Variants in TTN observed in about 807,000 individuals in gnomAD.
TTN encodes the protein connectin.
TTN carries 1,525 observed loss-of-function variants against 3,223.0 expected under a neutral mutation model. The ratio of observed to expected loss-of-function variants is 0.47; its 90% CI spans 0.45 to 0.49. The LOEUF is 0.49. TTN is among the 20% of genes least tolerant of loss of function. The pLI is 0.00. For synonymous variants in TTN, 14,094 were observed against 15,161.0 expected, an observed-to-expected ratio of 0.93 and a Z score of 5.17; for missense variants, 40,786 against 43,424.0, an observed-to-expected ratio of 0.94 and a Z score of 5.40.
chr2:178,777,991 A>T lies in TTN; in HGVS notation c.4209-16T>A. ...AGAGAGAGATCTGCAAAACAAAGAC[A>T]CACAATACTTTCGTGAGGCATAAAG... On this transcript the variant is annotated splice_polypyrimidine_tract_variant and intron_variant, in intron 24 of 362. Transcript: ENST00000589042. 1 of 1,612,448 alleles carries T rather than the reference A, an allele frequency of 6.2e-7. No individual in the cohort carries two copies. The highest frequency in any genetic ancestry group is 1.1e-5 in the South Asian group (1 of 90,906).
At position 178,728,541 on chromosome 2, in the gene TTN, T is replaced by G. The variant is rs1419616263; in HGVS notation, c.19385A>C (p.Asp6462Ala). Reference sequence around the variant, plus strand: ...GGCATCACAGCTACTGCTTCCGAAGTCATTTTCCACCTTGAAAGTGTACTG... The same window carrying G: ...GGCATCACAGCTACTGCTTCCGAAGGCATTTTCCACCTTGAAAGTGTACTG... Reference protein sequence around the residue: ...SGQYTFKVENDFGSSSCDAYL... With the variant: ...SGQYTFKVENAFGSSSCDAYL... Residue 6462 changes from aspartate (D) to alanine (A), a missense_variant, in exon 66 of 363, where the codon GAC becomes GCC. Asp to Ala is a moderately radical substitution (Grantham distance 126). Coordinates refer to ENST00000589042, the MANE Select transcript of TTN (RefSeq NM_001267550.2). 1.9e-6 allele frequency: 3 copies of G among 1,612,570 alleles called. No individual in the cohort carries two copies. Among genetic ancestry groups the G allele is most frequent in the South Asian group, 1.1e-5 (1 of 90,964 alleles).
chr2:178,797,795 T>TACAG (rs1311163269), intron 6 of TTN, among the ~76,000 whole-genome samples: 2 of 152,178 alleles, frequency 1.3e-5, no homozygotes, highest in Non-Finnish European at 2.9e-5. Context: ...CATACATACA[T>TACAG]GTTGATTTTT....
At position 178,616,483 on chromosome 2, in the gene TTN, G is replaced by C. The variant is rs1411572700; in HGVS notation, c.48308C>G (p.Thr16103Ser). Residue 16103 changes from threonine (T) to serine (S), a missense_variant, in exon 257 of 363, where the codon ACT becomes AGT. By Grantham distance (58) the Thr-to-Ser change is moderately conservative. Coordinates refer to ENST00000589042, the MANE Select transcript of TTN (RefSeq NM_001267550.2). ...GCAGTGCTGCTCAAAACTCACTTTA[G>C]TCCATGTTTTCCGGCTGACTTCTCG... ...EKREVSRKTW[T>S]KVMDFVTDLE... The C allele has an allele frequency of 6.2e-7, 1 of 1,611,966 alleles. No individual in the cohort carries two copies. The highest frequency in any genetic ancestry group is 8.5e-7 in the Non-Finnish European group (1 of 1,178,754).
Position 178,664,889 on chromosome 2 carries a change from T to C in TTN, c.36081A>G (p.Thr12027=). ...GGGGTTCTCTTTTTTTGGAAGGAAC[T>C]GTCTTGGCAGGAATAATTTCTTGAG... ...EAPQEIIPAK[T]VPSKKREPPS... The change falls in exon 166 of 363, where the codon ACA becomes ACG. Residue 12027 remains threonine (T), a synonymous_variant. Transcript: ENST00000589042. The C allele has an allele frequency of 1.9e-6, 3 of 1,611,144 alleles. No homozygotes were observed. Among genetic ancestry groups the C allele is most frequent in the Non-Finnish European group, 2.5e-6 (3 of 1,179,394 alleles).
At position 178,651,472 on chromosome 2, in the gene TTN, T is replaced by TG; in HGVS notation, c.39527dup (p.Glu13177ArgfsTer6). The TG allele has an allele frequency of 6.2e-7, 1 of 1,611,890 alleles. No homozygotes were observed. Among genetic ancestry groups the TG allele is most frequent in the Non-Finnish European group, 8.5e-7 (1 of 1,179,234 alleles). On this transcript the variant is annotated frameshift_variant, in exon 207 of 363. Transcript: ENST00000589042. LOFTEE classifies it high-confidence loss of function. ...ATATACCTTTAGCAGGTGGGGCTTC[T>TG]GGCTTTTTGGGAACCACCAGAGGCA...
rs200992636 is a variant in TTN, at chr2:178,563,073, G to A, written c.83059C>T (p.Leu27687=). The change falls in exon 326 of 363, where the codon CTG becomes TTG. Residue 27687 remains leucine (L), a synonymous_variant. Transcript: ENST00000589042. This position sits in a 1 kb window ranked among gnomAD's most constrained non-coding sequence, Gnocchi z 4.5. ...AAGCGTAAAGTAGCACTTGCACGCA[G>A]AACGACCACCTTTCTGAGATCAGCA... ...LDADLRKVVV[L]RASATLRLFV... The A allele has an allele frequency of 9.5e-5, 154 of 1,613,572 alleles. No homozygotes were observed. Among genetic ancestry groups the A allele is most frequent in the Non-Finnish European group, 1.9e-5 (23 of 1,179,730 alleles).
At position 178,582,147 on chromosome 2, in the gene TTN, G is replaced by T; in HGVS notation, c.66222C>A (p.Val22074=). 1 of 1,612,700 alleles carries T rather than the reference G, an allele frequency of 6.2e-7. No homozygotes were observed. The highest frequency in any genetic ancestry group is 8.5e-7 in the Non-Finnish European group (1 of 1,179,516). ...CATCATCTGCTGGTGGCTTCCAGCT[G>T]ACTGTCATGTGATCTTTGGTTATGT... The part of the protein sequence containing the change: ...ISNITKDHMT[V]SWKPPADDGG... The change falls in exon 315 of 363, where the codon GTC becomes GTA. Residue 22074 remains valine, a synonymous_variant. Transcript: ENST00000589042.
rs1704413634 is a variant in TTN, at chr2:178,563,432, G to A, written c.82700C>T (p.Ala27567Val). The change falls in exon 326 of 363, where the codon GCC becomes GTC. Residue 27567 changes from alanine to valine, a missense_variant. By Grantham distance (64) the Ala-to-Val change is moderately conservative. Coordinates refer to ENST00000589042, the MANE Select transcript of TTN (RefSeq NM_001267550.2). The surrounding 1 kb of genome is among the most constrained non-coding windows in gnomAD (Gnocchi z 4.5). The part of the protein sequence containing the change: ...EPSVFYRACD[A>V]LYPPGPPSNP... ...GCTTGGGGGACCTGGTGGATACAAG[G>A]CATCACACGCACGGTAGAAAACAGA... is the stretch of plus-strand genomic sequence containing the variant. 1 of 1,613,466 alleles carries A rather than the reference G, an allele frequency of 6.2e-7. No homozygotes were observed. The highest frequency in any genetic ancestry group is 8.5e-7 in the Non-Finnish European group (1 of 1,179,742).
intron 208 of TTN, 28 bp from the exon 209 acceptor site, chr2:178,650,862 A>G (rs1360159276): frequency 1.9e-6 from 3 of 1,568,726 alleles, no homozygotes; most frequent in South Asian, 1.2e-5. Flanking sequence ...CATTTTTCTT[A>G]TGAGTAGTTG....
At chr2:178,761,796 C>A (rs1403501995) in intron 43 of TTN, among the ~76,000 whole-genome samples, 1 of 152,140 alleles carries the variant, frequency 6.6e-6, no homozygotes, top group Non-Finnish European at 1.5e-5. Flanking sequence ...ATTAAAATTG[C>A]ACAGATGCTT....
rs1186226559 is a variant in TTN at position 178,552,563 on chromosome 2, C to T, written c.90337G>A (p.Asp30113Asn). Residue 30113 changes from aspartate (D) to asparagine (N), a missense_variant, in exon 335 of 363, where the codon GAT becomes AAT. Physicochemically the swap from Asp to Asn is conservative, Grantham distance 23. Transcript: ENST00000589042. ...VFAKNEKGLS[D>N]PVTIGPITVK... ...GTAATTGGCCCAATAGTGACAGGAT[C>T]ACTCAGTCCTTTCTCATTTTTGGCA... 4 of 1,613,680 alleles carry T rather than the reference C, an allele frequency of 2.5e-6. No homozygotes were observed. Among genetic ancestry groups the T allele is most frequent in the Non-Finnish European group, 3.4e-6 (4 of 1,179,804 alleles).
Position 178,740,199 on chromosome 2 carries a change from T to C in TTN, c.13034A>G (p.His4345Arg). ...TGGGGGCATCACCACGTTGTCAGAA[T>C]GCTCTTCTTTGAGCAGTACCTGCTT... Reference protein sequence around the residue: ...EEKQVLLKEEHSDNVVMPPDQ... With the variant: ...EEKQVLLKEERSDNVVMPPDQ... Residue 4345 changes from histidine to arginine, a missense_variant, in exon 48 of 363, where the codon CAT (histidine) becomes CGT (arginine). By Grantham distance (29) the His-to-Arg change is conservative. Transcript: ENST00000589042. 2 of 1,613,518 alleles carry C rather than the reference T, an allele frequency of 1.2e-6. No homozygotes were observed. The highest frequency in any genetic ancestry group is 1.7e-6 in the Non-Finnish European group (2 of 1,179,704).
rs1238856486 is a variant in TTN at position 178,641,275 on chromosome 2, T to C, written c.40599A>G (p.Glu13533=). 5.3e-6 allele frequency: 8 copies of C among 1,512,760 alleles called. No individual in the cohort carries two copies. Among genetic ancestry groups the C allele is most frequent in the Non-Finnish European group, 8.8e-7 (1 of 1,132,436 alleles). The allele number at this position is 1,512,760 out of a possible 1,614,324, so 93.7% of individuals were successfully genotyped here. ...KRPEEEEPKV[E]PKKLEKVKKP... is the part of the protein sequence containing the mutation. The stretch of plus-strand genomic sequence containing the variant: ...TTTTAACTTTTTCTAGTTTTTTAGG[T>C]TCTACTTTAGGTTCTTCTTCTTCAG... The change falls in exon 220 of 363, where the codon GAA becomes GAG. Residue 13533 remains glutamate (E), a synonymous_variant. Transcript: ENST00000589042.
chr2:178,528,988 A>C lies in TTN; in HGVS notation c.106763T>G (p.Ile35588Ser). The C allele has an allele frequency of 6.2e-7, 1 of 1,613,970 alleles. No homozygotes were observed. Among genetic ancestry groups the C allele is most frequent in the South Asian group, 1.1e-5 (1 of 91,084 alleles). ...TGTTTTAGTGATTTCCTCATGGACA[A>C]TGGATTTTTCCAGGGAGGTTGCTGC... ...KSAATSLEKSIVHEEITKTSQ... is the reference protein window; with the variant it reads ...KSAATSLEKSSVHEEITKTSQ... Residue 35588 changes from isoleucine (I) to serine (S), a missense_variant, in exon 360 of 363, where the codon ATT (isoleucine) becomes AGT (serine). By Grantham distance (142) the Ile-to-Ser change is moderately radical. Coordinates refer to ENST00000589042, the MANE Select transcript of TTN (RefSeq NM_001267550.2).
Position 178,609,562 on chromosome 2 carries a change from T to G in TTN, c.51748A>C (p.Lys17250Gln), listed in dbSNP as rs769268801. The G allele has an allele frequency of 6.2e-7, 1 of 1,606,904 alleles. No individual in the cohort carries two copies. Reference protein sequence around the residue: ...TKAVDPIDAPKVILRTSLEVK... With the variant: ...TKAVDPIDAPQVILRTSLEVK... ...TCTAGGCTTGTTCTCAGAATGACTTTGGGGGCATCTATAGTGATCATAACC... is the reference window on the plus strand; with the variant it reads ...TCTAGGCTTGTTCTCAGAATGACTTGGGGGGCATCTATAGTGATCATAACC... The change falls in exon 273 of 363, where the codon AAA becomes CAA. Residue 17250 changes from lysine (K) to glutamine (Q), a missense_variant. By Grantham distance (53) the Lys-to-Gln change is moderately conservative. Transcript: ENST00000589042.
At chr2:178,627,629 CTTTCTAACCCTAGAAAAAAT>C (rs1465409375) in intron 240 of TTN, among the ~76,000 whole-genome samples, 12 of 151,952 alleles carry the variant, frequency 7.9e-5, no homozygotes, top group African/African-American at 2.9e-4. Flanking sequence ...TAAACTGATC[CTTTCTAACCCTAGAAAAAAT>C]TTTAGTTACA....
chr2:178,612,104 G>A lies in TTN; in HGVS notation c.50307C>T (p.Asp16769=), dbSNP rs757648293. ...CATTTTTAGGTGGCTCCCACTTTAG[G>A]TCAACATGTCGTTTTGTCACATCAA... ...AVVDVTKRHV[D]LKWEPPKNDG... Residue 16769 remains aspartate (D), a synonymous_variant, in exon 267 of 363, where the codon GAC becomes GAT. Transcript: ENST00000589042. The A allele has an allele frequency of 2.5e-6, 4 of 1,611,904 alleles. No homozygotes were observed. Among genetic ancestry groups the A allele is most frequent in the East Asian group, 2.2e-5 (1 of 44,508 alleles).
At position 178,721,200 on chromosome 2, in the gene TTN, G is replaced by T; in HGVS notation, c.22819C>A (p.Pro7607Thr). ...TCTAATTTCTTAACAAACTTTGGAG[G>T]TTCTAGTAAACCAAACAAAACAGTC... is the stretch of plus-strand genomic sequence containing the variant. The part of the protein sequence containing the change: ...MCSAQLSVKE[P>T]PKFVKKLEAS... The change falls in exon 79 of 363, where the codon CCT (proline) becomes ACT (threonine). Residue 7607 changes from proline to threonine, a missense_variant and splice_region_variant. Pro to Thr is a conservative substitution (Grantham distance 38, BLOSUM62 -1). Transcript: ENST00000589042. The T allele has an allele frequency of 6.3e-7, 1 of 1,587,212 alleles. No homozygotes were observed.
chr2:178,730,021 TCCCC>T, intron 62 of TTN, 68 bp downstream of exon 62: 1 of 1,558,146 alleles, frequency 6.4e-7, no homozygotes, highest in Non-Finnish European at 8.8e-7. Flanking sequence ...GTCTTAAGCG[TCCCC>T]CGCCCCGGCC....
Sources: gnomAD v4.1 joint callset for allele counts (sites outside exome capture counted in the v4.1 genomes callset) on GRCh38, gnomAD v4.1.1 for gene constraint, Gnocchi (gnomAD v3.1) non-coding constraint, MANE v1.5 for transcripts, NCBI Gene and HGNC (gene_info 2026-07-23, HGNC 2026-07-21) for gene names.